The following RFX2 variants were observed in gnomAD, a reference collection of about 807,000 sequenced individuals.
The protein encoded by RFX2 is DNA-binding protein RFX2.
A neutral mutation model predicts 87.8 loss-of-function variants in RFX2; 20 were observed. The observed-to-expected ratio is 0.23, with a 90% CI of 0.16 to 0.33. The LOEUF is 0.33. Among genes scored for constraint, RFX2 ranks in the 10% least tolerant of loss-of-function variants. The probability of loss-of-function intolerance (pLI) is 1.00; values close to 1 mark genes in which losing one functional copy is unlikely to be tolerated. For synonymous variants in RFX2, 397 were observed against 431.3 expected, an observed-to-expected ratio of 0.92 and a Z score of 0.98; for missense variants, 767 against 1,012.3, an observed-to-expected ratio of 0.76 and a Z score of 3.29.
chr19:6,042,497 T>G (rs947770904), intron 3 of RFX2, among the ~76,000 whole-genome samples: 49 of 141,620 alleles, frequency 3.5e-4, no homozygotes, highest in Admixed American at 2.2e-3. Context: ...CTGGTTTCTG[T>G]TTTTTTTTTT....
intron 1 of RFX2, among the ~76,000 whole-genome samples, chr19:6,075,932 G>T (rs2087685373): frequency 6.6e-6 from 1 of 152,246 alleles, no homozygotes; most frequent in Non-Finnish European, 1.5e-5. Flanking sequence ...ATGAACAGTT[G>T]GAGGATCTGG....
intron 1 of RFX2, among the ~76,000 whole-genome samples, chr19:6,103,511 C>A (rs1037142596): frequency 2.5e-4 from 38 of 152,168 alleles, no homozygotes; most frequent in African/African-American, 7.2e-4. Context: ...TTTCCAGACT[C>A]TGACTGTGTT....
chr19:6,104,034 T>C (rs1239690133), intron 1 of RFX2, among the ~76,000 whole-genome samples: 9 of 152,204 alleles, frequency 5.9e-5, no homozygotes, highest in African/African-American at 1.9e-4. Flanking sequence ...GCTATTATTA[T>C]CGATTTCACA....
In RFX2 at chr19:6,064,577, C is replaced by G. The variant is rs1458335311; in HGVS notation, c.-8-17073G>C. ...CAGTAGCATCTCCTGCTTTCTCAGC[C>G]TGGTGACCTGACCCGGCAGCACGCC... On this transcript the variant is annotated intron_variant, in intron 1 of 17. Transcript: ENST00000303657. The surrounding 1 kb of genome is among the most constrained non-coding windows in gnomAD (Gnocchi z 4.8). Among the ~76,000 whole-genome samples the G allele has an allele frequency of 6.6e-6, 1 of 152,222 alleles. No individual in the cohort carries two copies. Among genetic ancestry groups the G allele is most frequent in the Non-Finnish European group, 1.5e-5 (1 of 68,032 alleles).
intron 1 of RFX2, among the ~76,000 whole-genome samples, chr19:6,054,547 G>GA (rs1280753707): frequency 6.6e-6 from 1 of 152,006 alleles, no homozygotes; most frequent in Non-Finnish European, 1.5e-5. Flanking sequence ...ATTATCAATT[G>GA]ATTTTTTTTT....
At position 6,002,242 on chromosome 19, in the gene RFX2, C is replaced by T. The variant is rs563754828; in HGVS notation, c.1651-219G>A. ...GGCTTCCGGGGACTCATACCCAGGT[C>T]TTTCTGGATCAAAGCTCATGCTATA... On this transcript the variant is annotated intron_variant, in intron 14 of 17. Transcript: ENST00000303657. The surrounding 1 kb of genome is among the most constrained non-coding windows in gnomAD (Gnocchi z 6.7). Among the ~76,000 whole-genome samples the T allele has an allele frequency of 6.6e-6, 1 of 152,362 alleles. No homozygotes were observed. The highest frequency in any genetic ancestry group is 2.1e-4 in the South Asian group (1 of 4,828).
Position 6,016,087 on chromosome 19 carries a change from C to G in RFX2, c.779+3G>C. On this transcript the variant is annotated splice_donor_region_variant and intron_variant, in intron 7 of 17. Transcript: ENST00000303657. This position sits in a 1 kb window ranked among gnomAD's most constrained non-coding sequence, Gnocchi z 5.4. ...ACAGGTGGGCTGGGGATCGTCTACC[C>G]ACCTGGTGCCCAGCCGCCGCGTTCT... 6.3e-7 allele frequency: 1 copy of G among 1,593,674 alleles called. No individual in the cohort carries two copies.
At chr19:5,996,692 C>T (rs1305886585) in intron 16 of RFX2, among the ~76,000 whole-genome samples, 2 of 152,244 alleles carry the variant, frequency 1.3e-5, no homozygotes, top group Admixed American at 6.5e-5. Flanking sequence ...AAATCTCTCC[C>T]TATGTGTGTG....
intron 1 of RFX2, among the ~76,000 whole-genome samples, chr19:6,095,379 G>C (rs1469704224): frequency 6.6e-6 from 1 of 152,060 alleles, no homozygotes; most frequent in Non-Finnish European, 1.5e-5. Context: ...ACTCTATTTG[G>C]TGTCCCACAA....
At chr19:6,070,581 G>C (rs2087592801) in intron 1 of RFX2, among the ~76,000 whole-genome samples, 1 of 152,038 alleles carries the variant, frequency 6.6e-6, no homozygotes, top group South Asian at 2.1e-4. Context: ...GCAGACCCTG[G>C]GTTCATAGTC....
intron 1 of RFX2, among the ~76,000 whole-genome samples, chr19:6,096,972 G>A (rs757439506): frequency 5.3e-5 from 8 of 152,134 alleles, no homozygotes; most frequent in Non-Finnish European, 8.8e-5. Context: ...GGAAGAAATC[G>A]GAAGTTTACT....
At position 6,004,594 on chromosome 19, in the gene RFX2, A is replaced by G. The variant is rs968827681; in HGVS notation, c.1403-296T>C. ...GTCATGACTGCAGGGTGCCTCAGGC[A>G]TGGAGTGGGTGGAGGCTAGGGATGC... On this transcript the variant is annotated intron_variant, in intron 12 of 17. Coordinates refer to ENST00000303657, the MANE Select transcript of RFX2 (RefSeq NM_000635.4). The surrounding 1 kb of genome is among the most constrained non-coding windows in gnomAD (Gnocchi z 4.8). Among the ~76,000 whole-genome samples, 2 of 151,892 alleles carry G rather than the reference A, an allele frequency of 1.3e-5. No individual in the cohort carries two copies. Among genetic ancestry groups the G allele is most frequent in the Non-Finnish European group, 2.9e-5 (2 of 67,952 alleles).
rs1220991912 is a variant in RFX2, at chr19:6,047,739, G to T, written c.-8-235C>A. 6.6e-6 allele frequency among the ~76,000 whole-genome samples: 1 copy of T among 152,200 alleles called. No homozygotes were observed. Among genetic ancestry groups the T allele is most frequent in the Non-Finnish European group, 1.5e-5 (1 of 68,034 alleles). ...TTTCCAAATATAAAACCCAAAAAGG[G>T]CTCTGTCAGCGCACAATGGCAGGAA... On this transcript the variant is annotated intron_variant, in intron 1 of 17. Transcript: ENST00000303657. The surrounding 1 kb of genome is among the most constrained non-coding windows in gnomAD (Gnocchi z 4.2).
In RFX2 at chr19:6,074,676, C is replaced by T. The variant is rs914970093; in HGVS notation, c.-8-27172G>A. ...GACAAATGCTCTGAAGAAAAATACACTCAAATGCACAAGTGGAGTGCGGCA... is the reference window on the plus strand; with the variant it reads ...GACAAATGCTCTGAAGAAAAATACATTCAAATGCACAAGTGGAGTGCGGCA... On this transcript the variant is annotated intron_variant, in intron 1 of 17. Transcript: ENST00000303657. The surrounding 1 kb of genome is among the most constrained non-coding windows in gnomAD (Gnocchi z 5.2). Among the ~76,000 whole-genome samples the T allele has an allele frequency of 4.6e-5, 7 of 152,220 alleles. No homozygotes were observed. Among genetic ancestry groups the T allele is most frequent in the Admixed American group, 3.3e-4 (5 of 15,290 alleles).
chr19:6,009,191 G>A (rs1056538185), intron 9 of RFX2, among the ~76,000 whole-genome samples: 2 of 152,192 alleles, frequency 1.3e-5, no homozygotes, highest in Non-Finnish European at 2.9e-5. Flanking sequence ...AGATGGGCCT[G>A]ACCCCACCTC....
chr19:6,051,932 C>T (rs1264476224), intron 1 of RFX2, among the ~76,000 whole-genome samples: 2 of 152,116 alleles, frequency 1.3e-5, no homozygotes, highest in African/African-American at 4.8e-5. Flanking sequence ...GGCTGGAGTG[C>T]AGTGCCACAG....
chr19:6,006,594 CGT>C (rs2086585516), intron 12 of RFX2, among the ~76,000 whole-genome samples: 1 of 151,250 alleles, frequency 6.6e-6, no homozygotes, highest in Non-Finnish European at 1.5e-5. Flanking sequence ...GGACTACAGG[CGT>C]GTGCCACCAT....
rs2144730354 is a variant in RFX2 at position 6,024,533 on chromosome 19, C to A, written c.597+1630G>T. Among the ~76,000 whole-genome samples, 1 of 152,354 alleles carries A rather than the reference C, an allele frequency of 6.6e-6. No homozygotes were observed. The highest frequency in any genetic ancestry group is 3.4e-3 in the Middle Eastern group (1 of 294). ...GCCATTTCTTCTAGTGACCAGCCCC[C>A]TGAGGCAAAGGGCAGAGGCCTCGTC... On this transcript the variant is annotated intron_variant, in intron 6 of 17. Coordinates refer to ENST00000303657, the MANE Select transcript of RFX2 (RefSeq NM_000635.4). The surrounding 1 kb of genome is among the most constrained non-coding windows in gnomAD (Gnocchi z 5.0).
intron 1 of RFX2, among the ~76,000 whole-genome samples, chr19:6,089,213 A>C (rs1257779710): frequency 6.6e-6 from 1 of 152,232 alleles, no homozygotes; most frequent in Non-Finnish European, 1.5e-5. Context: ...GCAGGTATCA[A>C]ATAGCCCATG....
Sources: gnomAD v4.1 joint callset for allele counts (sites outside exome capture counted in the v4.1 genomes callset) on GRCh38, gnomAD v4.1.1 for gene constraint, Gnocchi (gnomAD v3.1) non-coding constraint, MANE v1.5 for transcripts, NCBI Gene and HGNC (gene_info 2026-07-23, HGNC 2026-07-21) for gene names.